The following CASC3 variants were observed in gnomAD, a reference collection of about 807,000 sequenced individuals.
CASC3 encodes the protein protein CASC3.
In CASC3, 30 loss-of-function variants were observed where a neutral mutation model predicts 80.5. The ratio of observed to expected loss-of-function variants is 0.37; its 90% confidence interval spans 0.28 to 0.51. The LOEUF (loss-of-function observed/expected upper bound fraction) is 0.51, where lower values mean the gene tolerates loss of function less well. Among genes scored for constraint, CASC3 ranks in the 20% least tolerant of loss-of-function variants. The probability of loss-of-function intolerance (pLI) is 0.94; values close to 1 mark genes in which losing one functional copy is unlikely to be tolerated. For missense variants in CASC3, 824 were observed against 922.2 expected (o/e 0.89, Z 1.38); for synonymous variants, 312 against 333.6 (o/e 0.94, Z 0.70).
intron 3 of CASC3, among the ~76,000 whole-genome samples, chr17:40,159,711 ATTTT>A (rs71152647): frequency 1.1e-4 from 10 of 93,164 alleles, no homozygotes; most frequent in Non-Finnish European, 1.3e-4. Flanking sequence ...TTCCTGGCGA[ATTTT>A]TTTTTTTTTT....
At chr17:40,142,303 A>G (rs187323269) in intron 3 of CASC3, among the ~76,000 whole-genome samples, 145 of 152,378 alleles carry the variant, frequency 9.5e-4, no homozygotes, top group African/African-American at 3.1e-3. Flanking sequence ...TTACAACTCA[A>G]TAAGGAAGTC....
chr17:40,156,805 C>A (rs1989158153), intron 3 of CASC3, among the ~76,000 whole-genome samples: 1 of 151,978 alleles, frequency 6.6e-6, no homozygotes. Flanking sequence ...TTTAGTGGGC[C>A]AAGGCAGGAG....
chr17:40,145,027 A>G (rs1347648842), intron 3 of CASC3, among the ~76,000 whole-genome samples: 1 of 150,534 alleles, frequency 6.6e-6, no homozygotes, highest in Non-Finnish European at 1.5e-5. Context: ...CGCCCGCCTA[A>G]TTTTTGTGTT....
Position 40,140,755 on chromosome 17 carries a change from C to T in CASC3, c.207C>T (p.Ala69=). The T allele has an allele frequency of 7.8e-7, 1 of 1,274,866 alleles. No individual in the cohort carries two copies. The highest frequency in any genetic ancestry group is 1.0e-6 in the Non-Finnish European group (1 of 987,170). The allele number at this position is 1,274,866 out of a possible 1,614,324, so 79.0% of individuals were successfully genotyped here. A position where few individuals can be genotyped will look rare whatever the true frequency, so the allele number is the denominator to read the frequency against. ...TGCGGCGGGTGGAGAGCGGGGGCGC[C>T]AAGAGTGCTGAGGAGTCGGAGTGTG... ...LHLRRVESGG[A]KSAEESECES... The change falls in exon 1 of 14, where the codon GCC becomes GCT. Residue 69 remains alanine (A), a synonymous_variant. Coordinates refer to ENST00000264645, the MANE Select transcript of CASC3 (RefSeq NM_007359.5).
At position 40,163,816 on chromosome 17, in the gene CASC3, C is replaced by G. The variant is rs1305327228; in HGVS notation, c.1121C>G (p.Pro374Arg). ...PEADAPVLGS[P>R]EKEEAASEPP... ...GCAGATGCTCCAGTGCTTGGCAGTCCTGAGAAGGAAGAGGCAGCCTCAGAG... is the reference window on the plus strand; with the variant it reads ...GCAGATGCTCCAGTGCTTGGCAGTCGTGAGAAGGAAGAGGCAGCCTCAGAG... Residue 374 changes from proline (P) to arginine (R), a missense_variant, in exon 7 of 14, where the codon CCT becomes CGT. Physicochemically the swap from Pro to Arg is moderately radical, Grantham distance 103 (BLOSUM62 -2). Around this residue, in one of 3 missense-constraint regions of CASC3, gnomAD observed 464 missense variants for 506.0 expected, o/e 0.92. Coordinates refer to ENST00000264645, the MANE Select transcript of CASC3 (RefSeq NM_007359.5). 1.9e-6 allele frequency: 3 copies of G among 1,614,074 alleles called. No homozygotes were observed. In the South Asian group the frequency reaches 3.3e-5, roughly 18 times the overall value.
intron 1 of CASC3, 130 bp from the exon 2 acceptor site, chr17:40,141,077 G>T: frequency 1.1e-6 from 1 of 877,486 alleles, no homozygotes; most frequent in Admixed American, 1.9e-5. Context: ...ACTTGATAAA[G>T]ATTTACCTAT....
chr17:40,163,049 T>A (rs1370616295), intron 6 of CASC3, 148 bp downstream of exon 6: 1 of 515,184 alleles, frequency 1.9e-6, no homozygotes, highest in African/African-American at 2.0e-5. Context: ...AGTGAGACCC[T>A]GTCTCCAAAA....
chr17:40,153,903 G>A (rs909333102), intron 3 of CASC3, among the ~76,000 whole-genome samples: 5 of 151,974 alleles, frequency 3.3e-5, no homozygotes, highest in Non-Finnish European at 7.4e-5. Flanking sequence ...GCGAAACCTC[G>A]TCTCTGCTAA....
intron 3 of CASC3, among the ~76,000 whole-genome samples, chr17:40,155,579 C>T (rs969079493): frequency 1.3e-5 from 2 of 152,224 alleles, no homozygotes; most frequent in East Asian, 1.9e-4. Flanking sequence ...ACGACAGGCC[C>T]GTGGCCTCGG....
At position 40,166,887 on chromosome 17, in the gene CASC3, G is replaced by A. The variant is rs370392697; in HGVS notation, c.1536+26G>A. The A allele has an allele frequency of 1.9e-6, 3 of 1,563,146 alleles. No individual in the cohort carries two copies. In the African/African-American group the frequency reaches 4.1e-5, roughly 21 times the overall value. ...GTACAGAAGGGGAAAGGGGTAGATG[G>A]GGGAGGGAGCTGCCTGTTACACAGC... On this transcript the variant is annotated intron_variant, in intron 8 of 13. Coordinates refer to ENST00000264645, the MANE Select transcript of CASC3 (RefSeq NM_007359.5).
intron 3 of CASC3, among the ~76,000 whole-genome samples, chr17:40,149,224 T>C (rs1366277853): frequency 6.6e-6 from 1 of 151,988 alleles, no homozygotes. Context: ...TCTCATTCCA[T>C]GTGGAGATTT....
rs775370619 is a variant in CASC3 at position 40,140,747 on chromosome 17, G to C, written c.199G>C (p.Gly67Arg). 33 of 1,527,996 alleles carry C rather than the reference G, an allele frequency of 2.2e-5. No individual in the cohort carries two copies. In the African/African-American group the frequency reaches 2.6e-4, roughly 12 times the overall value. 94.7% of individuals were successfully genotyped at this position (1,527,996 alleles called of 1,614,324 possible). A position where few individuals can be genotyped will look rare whatever the true frequency, so the allele number is the denominator to read the frequency against. Residue 67 changes from glycine to arginine, a missense_variant, in exon 1 of 14, where the codon GGG becomes CGG. By Grantham distance (125) the Gly-to-Arg change is moderately radical (BLOSUM62 -2). Around this residue, in one of 3 missense-constraint regions of CASC3, gnomAD observed 159 missense variants for 122.2 expected, o/e 1.30. Transcript: ENST00000264645. ...GALHLRRVES[G>R]GAKSAEESEC... ...CCTTCATCTGCGGCGGGTGGAGAGC[G>C]GGGGCGCCAAGAGTGCTGAGGAGTC...
chr17:40,141,545 T>G (rs773594317), intron 2 of CASC3, 25 bp from the exon 3 acceptor site: 1 of 1,610,102 alleles, frequency 6.2e-7, no homozygotes, highest in Non-Finnish European at 8.5e-7. Context: ...TTTCTTTTTT[T>G]CCACATATTT....
Position 40,169,411 on chromosome 17 carries a change from C to T in CASC3, c.2053C>T (p.Pro685Ser). 1.2e-6 allele frequency: 2 copies of T among 1,611,922 alleles called. No homozygotes were observed. The highest frequency in any genetic ancestry group is 1.7e-6 in the Non-Finnish European group (2 of 1,179,232). ...AAAGCCCTCCCCACCCCGGAGGACTCCCCAGCCAGTCACCATCAAGCCCCC... is the reference window on the plus strand; with the variant it reads ...AAAGCCCTCCCCACCCCGGAGGACTTCCCAGCCAGTCACCATCAAGCCCCC... ...QPKPSPPRRTPQPVTIKPPPP... is the reference protein window; with the variant it reads ...QPKPSPPRRTSQPVTIKPPPP... Residue 685 changes from proline to serine, a missense_variant, in exon 12 of 14, where the codon CCC becomes TCC. Coordinates refer to ENST00000264645, the MANE Select transcript of CASC3 (RefSeq NM_007359.5).
rs541851970 is a variant in CASC3, at chr17:40,153,544, ACT to A, written c.298-8206_298-8205del. On this transcript the variant is annotated intron_variant, in intron 3 of 13. Coordinates refer to ENST00000264645, the MANE Select transcript of CASC3 (RefSeq NM_007359.5). ...AATGGAATTGCTGAGTCATGTGGTA[ACT>A]CTGTAATCATTTGAGGAACTAGAAC... Among the ~76,000 whole-genome samples, 521 of 152,080 alleles carry A rather than the reference ACT, an allele frequency of 3.4e-3. 3 individuals carry two copies. Among genetic ancestry groups the A allele is most frequent in the Non-Finnish European group, 5.9e-3 (402 of 67,964 alleles).
rs148114795 is a variant in CASC3, at chr17:40,151,657, G to A, written c.297+10050G>A. Among the ~76,000 whole-genome samples, 352 of 142,162 alleles carry A rather than the reference G, an allele frequency of 2.5e-3. 2 individuals are homozygous for A. The highest frequency in any genetic ancestry group is 2.5e-3 in the Non-Finnish European group (167 of 67,056). 93.3% of individuals were successfully genotyped at this position (142,162 alleles called of 152,430 possible). On this transcript the variant is annotated intron_variant, in intron 3 of 13. Coordinates refer to ENST00000264645, the MANE Select transcript of CASC3 (RefSeq NM_007359.5). ...TGCAGGGAGCTGTGATCATACCACT[G>A]CACTCCAGCTTGAGTAACAGAGTGA...
intron 13 of CASC3, 43 bp from the exon 14 acceptor site, chr17:40,170,404 A>G (rs1158463254): frequency 3.1e-5 from 31 of 985,306 alleles, no homozygotes; most frequent in Non-Finnish European, 3.5e-5. Flanking sequence ...CAGAAGGCCC[A>G]CTAACACTTT....
At chr17:40,143,028 A>G (rs1197816188) in intron 3 of CASC3, among the ~76,000 whole-genome samples, 2 of 152,032 alleles carry the variant, frequency 1.3e-5, no homozygotes, top group Middle Eastern at 3.4e-3. Context: ...TGGAGGTGGC[A>G]GTGAGCTGAA....
At chr17:40,151,355 G>A (rs973272556) in intron 3 of CASC3, among the ~76,000 whole-genome samples, 8 of 152,058 alleles carry the variant, frequency 5.3e-5, no homozygotes, top group African/African-American at 1.9e-4. Context: ...GAGGTTACAG[G>A]TATGTGCCAT....
Sources: allele counts gnomAD v4.1 joint callset (sites outside exome capture counted in the v4.1 genomes callset), GRCh38; gene constraint gnomAD v4.1.1; regional missense constraint gnomAD v4.1.1; transcripts MANE v1.5; gene names NCBI Gene and HGNC (gene_info 2026-07-23, HGNC 2026-07-21).